Variants in RAB28 observed in about 807,000 individuals in gnomAD.
RAB28 encodes the protein RAB28, member RAS oncogene family, also known as ras-related protein Rab-28.
RAB28 carries 24 observed loss-of-function variants against 31.7 expected under a neutral mutation model. That is an observed-to-expected ratio of 0.76 (90% CI 0.55 to 1.06). The LOEUF (loss-of-function observed/expected upper bound fraction) is 1.06, where lower values mean the gene tolerates loss of function less well. Among genes scored for constraint, RAB28 ranks in the 50% least tolerant of loss-of-function variants. RAB28 has a pLI of 0.00. For synonymous variants in RAB28, 100 were observed against 90.4 expected (o/e 1.11, Z -0.60); for missense variants, 254 against 258.5 (o/e 0.98, Z 0.12).
rs1029125094 is a variant in RAB28 at position 13,479,424 on chromosome 4, T to G, written c.172+6A>C. The G allele has an allele frequency of 6.4e-7, 1 of 1,571,212 alleles. No homozygotes were observed. Among genetic ancestry groups the G allele is most frequent in the Non-Finnish European group, 8.7e-7 (1 of 1,145,352 alleles). The stretch of plus-strand genomic sequence containing the variant: ...TCTTCTACGTTAAGACTTTTTAGTC[T>G]CTTACCTGGCAATGTTATCCTTCTC... On this transcript the variant is annotated splice_donor_region_variant and intron_variant, in intron 2 of 6. Transcript: ENST00000330852.
At chr4:13,471,716 A>G (rs1373656038) in intron 3 of RAB28, among the ~76,000 whole-genome samples, 1 of 151,912 alleles carries the variant, frequency 6.6e-6, no homozygotes. Context: ...CAGTTTTGTC[A>G]GACAATTTCA....
At chr4:13,483,891 A>C (rs1477401601) in intron 1 of RAB28, among the ~76,000 whole-genome samples, 185 bp downstream of exon 1, 1 of 152,196 alleles carries the variant, frequency 6.6e-6, no homozygotes, top group Non-Finnish European at 1.5e-5. Context: ...GGGGAGCTGG[A>C]CAGCTCTCGT....
chr4:13,471,589 A>ACTC (rs1369141830), intron 3 of RAB28, among the ~76,000 whole-genome samples: 1 of 151,666 alleles, frequency 6.6e-6, no homozygotes, highest in Non-Finnish European at 1.5e-5. Flanking sequence ...CCAGCCCCAA[A>ACTC]CTCCTGGACT....
chr4:13,387,118 A>G (rs1729404789), intron 4 of RAB28, among the ~76,000 whole-genome samples: 1 of 152,098 alleles, frequency 6.6e-6, no homozygotes, highest in South Asian at 2.1e-4. Context: ...GAGGGGACAG[A>G]GGATCAGGAA....
chr4:13,415,302 G>C (rs549432698), intron 4 of RAB28, among the ~76,000 whole-genome samples: 1 of 152,266 alleles, frequency 6.6e-6, no homozygotes, highest in Admixed American at 6.5e-5. Context: ...CCACTTTGGC[G>C]GCACTTGAGG....
intron 1 of RAB28, among the ~76,000 whole-genome samples, chr4:13,483,723 A>C (rs1342975459): frequency 6.6e-6 from 1 of 152,096 alleles, no homozygotes; most frequent in Non-Finnish European, 1.5e-5. Flanking sequence ...AGGGGGTGGG[A>C]GGGGAGGAGT....
chr4:13,403,759 T>C (rs1711914277), intron 4 of RAB28, among the ~76,000 whole-genome samples: 1 of 152,176 alleles, frequency 6.6e-6, no homozygotes, highest in Non-Finnish European at 1.5e-5. Context: ...AAGGCAATCA[T>C]GAATGAGTAA....
chr4:13,374,334 A>G (rs10003477), intron 6 of RAB28, among the ~76,000 whole-genome samples: 5,763 of 152,206 alleles, frequency 0.038, 184 homozygotes, highest in African/African-American at 0.087. Context: ...TTTAAAACAC[A>G]CTAGGATATT....
rs1716254461 is a variant in RAB28 at position 13,474,376 on chromosome 4, T to C, written c.203A>G (p.Asp68Gly). ...GNLNVTLQIW[D>G]IGGQTIGGKM... ...GCCTCCTATTGTCTGCCCTCCTATA[T>C]CCCAAATTTGAAGGGTAACATTCAA... is the stretch of plus-strand genomic sequence containing the variant. Residue 68 changes from aspartate to glycine, a missense_variant, in exon 3 of 7, where the codon GAT becomes GGT. Transcript: ENST00000330852. 6.3e-7 allele frequency: 1 copy of C among 1,594,886 alleles called. No homozygotes were observed. Among genetic ancestry groups the C allele is most frequent in the Non-Finnish European group, 8.6e-7 (1 of 1,167,426 alleles).
At position 13,381,565 on chromosome 4, in the gene RAB28, G is replaced by T. The variant is rs1329374333; in HGVS notation, c.421C>A (p.Pro141Thr). ...IDLEHMRTIK[P>T]EKHLRFCQEN... ...TGGCAAAACCGTAAGTGTTTTTCAGGTTTTATTGTTCGCATATGCTCCAAA... is the reference window on the plus strand; with the variant it reads ...TGGCAAAACCGTAAGTGTTTTTCAGTTTTTATTGTTCGCATATGCTCCAAA... The change falls in exon 5 of 7, where the codon CCT becomes ACT. Residue 141 changes from proline (P) to threonine (T), a missense_variant. Pro to Thr is a conservative substitution (Grantham distance 38). Transcript: ENST00000330852. 1 of 1,613,108 alleles carries T rather than the reference G, an allele frequency of 6.2e-7. No homozygotes were observed. Among genetic ancestry groups the T allele is most frequent in the Non-Finnish European group, 8.5e-7 (1 of 1,179,406 alleles).
At chr4:13,474,235 T>C in intron 3 of RAB28, 83 bp downstream of exon 3, 2 of 867,782 alleles carry the variant, frequency 2.3e-6, no homozygotes, top group Middle Eastern at 2.2e-4. Flanking sequence ...AATGTGTGTG[T>C]GTGTGCATTT....
chr4:13,383,445 C>A (rs902465067), intron 4 of RAB28, among the ~76,000 whole-genome samples: 1 of 151,812 alleles, frequency 6.6e-6, no homozygotes, highest in African/African-American at 2.4e-5. Flanking sequence ...CAAATATAAC[C>A]ATGGAAAGAC....
intron 6 of RAB28, among the ~76,000 whole-genome samples, chr4:13,373,450 T>G (rs1175503018): frequency 6.6e-6 from 1 of 152,152 alleles, no homozygotes; most frequent in African/African-American, 2.4e-5. Flanking sequence ...GTGTTCATTG[T>G]TTAAATGTTT....
chr4:13,368,749 G>T, intron 6 of RAB28, 99 bp from the exon 7 acceptor site: 1 of 897,500 alleles, frequency 1.1e-6, no homozygotes, highest in Non-Finnish European at 1.6e-6. Flanking sequence ...CTGAACTTCT[G>T]ATGATGGACA....
In RAB28 at chr4:13,373,987, G is replaced by GTA. The variant is rs1228097305; in HGVS notation, c.573+2556_573+2557dup. Reference sequence around the variant, plus strand: ...TGTGTGTGTGTATATATGTGTGTGTGTATATATATATAATCTGCACTTCTT... The same window carrying GTA: ...TGTGTGTGTGTATATATGTGTGTGTGTATATATATATATAATCTGCACTTCTT... On this transcript the variant is annotated intron_variant, in intron 6 of 6. Transcript: ENST00000330852. Among the ~76,000 whole-genome samples, 1,118 of 150,634 alleles carry GTA rather than the reference G, an allele frequency of 7.4e-3. 20 individuals carry two copies. The highest frequency in any genetic ancestry group is 0.025 in the African/African-American group (1,031 of 41,320).
intron 4 of RAB28, among the ~76,000 whole-genome samples, chr4:13,424,073 A>C (rs553275466): frequency 6.6e-6 from 1 of 152,352 alleles, no homozygotes; most frequent in African/African-American, 2.4e-5. Flanking sequence ...ATGTCAAGGA[A>C]GCTTACTATT....
chr4:13,413,098 A>G (rs1712538439), intron 4 of RAB28, among the ~76,000 whole-genome samples: 1 of 152,164 alleles, frequency 6.6e-6, no homozygotes. Context: ...AACAGAACAG[A>G]AAAAAATAAT....
At chr4:13,386,968 T>C (rs1242607849) in intron 4 of RAB28, among the ~76,000 whole-genome samples, 1 of 152,048 alleles carries the variant, frequency 6.6e-6, no homozygotes, top group African/African-American at 2.4e-5. Flanking sequence ...CTGGAGACCA[T>C]TATCCTTAGC....
In RAB28 at chr4:13,408,604, A is replaced by G. The variant is rs1236796547; in HGVS notation, c.392-27010T>C. 2.0e-5 allele frequency among the ~76,000 whole-genome samples: 3 copies of G among 152,112 alleles called. No homozygotes were observed. The South Asian group carries it at 6.2e-4, about 31-fold the overall frequency. On this transcript the variant is annotated intron_variant, in intron 4 of 6. Transcript: ENST00000330852. ...ACAGAGCTTTTTAAAACTCTGCATA[A>G]TAAGAAAAAAAAGCGGGCTAAAATC...
Sources: gnomAD v4.1 joint callset for allele counts (sites outside exome capture counted in the v4.1 genomes callset) on GRCh38, gnomAD v4.1.1 for gene constraint, MANE v1.5 for transcripts, NCBI Gene and HGNC (gene_info 2026-07-23, HGNC 2026-07-21) for gene names.